DLGAP2: variants seen among roughly 807,000 people sequenced by gnomAD.
DLGAP2 encodes the protein disks large-associated protein 2.
A neutral mutation model predicts 100.3 loss-of-function variants in DLGAP2; 26 were observed. The ratio of observed to expected loss-of-function variants is 0.26; its 90% CI spans 0.19 to 0.36. The LOEUF (loss-of-function observed/expected upper bound fraction) is 0.36, where lower values mean the gene tolerates loss of function less well. Ranked by LOEUF, DLGAP2 falls within the 10% of genes least tolerant of loss-of-function variation. DLGAP2 has a pLI of 1.00. For missense variants in DLGAP2, 1,858 were observed against 1,453.2 expected (o/e 1.28, Z -4.53); for synonymous variants, 886 against 630.1 (o/e 1.41, Z -6.08).
At position 1,555,564 on chromosome 8, in the gene DLGAP2, C is replaced by T. The variant is rs572194258; in HGVS notation, c.1230+5881C>T. 1.4e-3 allele frequency among the ~76,000 whole-genome samples: 211 copies of T among 152,312 alleles called. 1 individual carries two copies. The highest frequency in any genetic ancestry group is 4.9e-3 in the African/African-American group (203 of 41,576). On this transcript the variant is annotated intron_variant, in intron 5 of 14. Transcript: ENST00000637795. The stretch of plus-strand genomic sequence containing the variant: ...GGATCTCGCTGGTGCTCACCGAGCC[C>T]GTTCGTGTAATCAGGGACCGTCTGC...
At chr8:1,033,869 C>A (rs867794882) in intron 2 of DLGAP2, among the ~76,000 whole-genome samples, 2 of 92,300 alleles carry the variant, frequency 2.2e-5, no homozygotes, top group Admixed American at 1.2e-4. Context: ...GGGTTCACAG[C>A]CTCATCCCGA....
intron 2 of DLGAP2, among the ~76,000 whole-genome samples, chr8:930,722 C>T (rs1798937561): frequency 6.6e-6 from 1 of 152,196 alleles, no homozygotes; most frequent in Non-Finnish European, 1.5e-5. Context: ...CCCCACACTG[C>T]AGAGACTTCC....
In DLGAP2 at chr8:1,297,077, G is replaced by A. The variant is rs1377454507; in HGVS notation, c.106+38194G>A. 4 of 152,398 alleles carry A rather than the reference G, an allele frequency of 2.6e-5. No homozygotes were observed. The East Asian group carries it at 7.7e-4, about 29-fold the overall frequency. The allele number at this position is 152,398 out of a possible 1,614,324, so 9.4% of individuals were successfully genotyped here. A position where few individuals can be genotyped will look rare whatever the true frequency, so the allele number is the denominator to read the frequency against. ...AGAGCAGGTTCCCAGCACAGAGCAG[G>A]TTCCCGGCAAGCGCTGTTCCTCTTC... On this transcript the variant is annotated intron_variant, in intron 3 of 14. Transcript: ENST00000637795.
intron 1 of DLGAP2, among the ~76,000 whole-genome samples, chr8:810,535 C>G (rs1008102616): frequency 6.6e-6 from 1 of 152,234 alleles, no homozygotes. Flanking sequence ...CTTCATTACA[C>G]AGTAAATTAT....
chr8:969,080 C>A (rs111333080), intron 2 of DLGAP2, among the ~76,000 whole-genome samples: 2,533 of 152,236 alleles, frequency 0.017, 73 homozygotes, highest in African/African-American at 0.058. Flanking sequence ...TGCCTGGAGG[C>A]ATTTCTGGAT....
At chr8:1,039,645 T>G (rs1802252989) in intron 2 of DLGAP2, among the ~76,000 whole-genome samples, 1 of 47,806 alleles carries the variant, frequency 2.1e-5, no homozygotes, top group Non-Finnish European at 4.5e-5. Flanking sequence ...TCGGTGTGCG[T>G]GGTCAGCTCG....
chr8:961,792 T>G (rs1408548627), intron 2 of DLGAP2, among the ~76,000 whole-genome samples: 1 of 152,246 alleles, frequency 6.6e-6, no homozygotes, highest in Non-Finnish European at 1.5e-5. Context: ...TGTAAATTTT[T>G]TGTTTTCTTC....
chr8:1,624,545 C>T (rs1316359038), intron 6 of DLGAP2, among the ~76,000 whole-genome samples: 1 of 151,732 alleles, frequency 6.6e-6, no homozygotes, highest in Admixed American at 6.6e-5. Flanking sequence ...GTGACCGTGT[C>T]TCAGGATGCT....
At chr8:1,185,698 C>T (rs934906466) in intron 2 of DLGAP2, among the ~76,000 whole-genome samples, 7 of 119,208 alleles carry the variant, frequency 5.9e-5, no homozygotes, top group African/African-American at 2.4e-4. Flanking sequence ...TGTAAACACA[C>T]ACACTCACAC....
chr8:994,412 C>A (rs1201488407), intron 2 of DLGAP2, among the ~76,000 whole-genome samples: 1 of 152,086 alleles, frequency 6.6e-6, no homozygotes, highest in East Asian at 1.9e-4. Context: ...GTTGGTCAGG[C>A]TGGTCTCGAA....
chr8:1,343,997 C>T (rs930744614), intron 3 of DLGAP2, among the ~76,000 whole-genome samples: 1 of 152,134 alleles, frequency 6.6e-6, no homozygotes, highest in African/African-American at 2.4e-5. Context: ...CTGCATTTAC[C>T]AACGTCCTAT....
At chr8:933,355 G>C (rs1037766959) in intron 2 of DLGAP2, among the ~76,000 whole-genome samples, 1 of 151,654 alleles carries the variant, frequency 6.6e-6, no homozygotes, top group Non-Finnish European at 1.5e-5. Flanking sequence ...GGCATGAGGG[G>C]AGGGTGAGGG....
chr8:1,314,255 C>T (rs918447192), intron 3 of DLGAP2, among the ~76,000 whole-genome samples: 7 of 152,270 alleles, frequency 4.6e-5, no homozygotes, highest in Admixed American at 3.3e-4. Flanking sequence ...GAGTTAGACA[C>T]GTGAAATACT....
intron 3 of DLGAP2, among the ~76,000 whole-genome samples, chr8:1,350,053 AC>A (rs1352850112): frequency 7.9e-5 from 12 of 152,240 alleles, no homozygotes; most frequent in Non-Finnish European, 1.5e-5. Context: ...TAATATAGAA[AC>A]CGTTTCGATA....
chr8:1,511,198 C>T (rs574934909), intron 4 of DLGAP2, among the ~76,000 whole-genome samples: 17 of 151,464 alleles, frequency 1.1e-4, no homozygotes, highest in South Asian at 2.1e-4. Flanking sequence ...CTTCCATGGA[C>T]GTAAGTGCTG....
chr8:872,030 C>T (rs1797607916), intron 1 of DLGAP2, among the ~76,000 whole-genome samples: 1 of 152,094 alleles, frequency 6.6e-6, no homozygotes, highest in Non-Finnish European at 1.5e-5. Flanking sequence ...ATGATTATAA[C>T]AGATATTTTT....
chr8:1,626,638 G>T, intron 6 of DLGAP2, 102 bp from the exon 7 acceptor site: 1 of 1,417,708 alleles, frequency 7.1e-7, no homozygotes. Flanking sequence ...TCTGCCCTGT[G>T]GTGGGTGCTC....
At chr8:1,299,535 A>C (rs1800280490) in intron 3 of DLGAP2, among the ~76,000 whole-genome samples, 1 of 152,226 alleles carries the variant, frequency 6.6e-6, no homozygotes, top group South Asian at 2.1e-4. Flanking sequence ...GTCCATGCCA[A>C]CTGCAACTCG....
At chr8:1,339,000 C>T (rs76759534) in intron 3 of DLGAP2, among the ~76,000 whole-genome samples, 4 of 44,540 alleles carry the variant, frequency 9.0e-5, no homozygotes, top group Non-Finnish European at 1.9e-4. Flanking sequence ...CAGGACCTGG[C>T]AGGGAATGCA....
Sources: gnomAD v4.1 joint callset for allele counts (sites outside exome capture counted in the v4.1 genomes callset) on GRCh38, gnomAD v4.1.1 for gene constraint, MANE v1.5 for transcripts, NCBI Gene and HGNC (gene_info 2026-07-23, HGNC 2026-07-21) for gene names.